PTPRD: variants seen among roughly 807,000 people sequenced by gnomAD.
PTPRD encodes protein tyrosine phosphatase receptor type D, also known as receptor-type tyrosine-protein phosphatase delta.
Under a neutral mutation model 214.5 loss-of-function variants are expected in PTPRD, and 34 were observed. The ratio of observed to expected loss-of-function variants is 0.16; its 90% CI spans 0.12 to 0.21. The LOEUF is 0.21. Among genes scored for constraint, PTPRD ranks in the 10% least tolerant of loss-of-function variants. The pLI is 1.00. For missense variants in PTPRD, 2,545 were observed against 2,398.7 expected (o/e 1.06, Z -1.27); for synonymous variants, 1,128 against 845.7 (o/e 1.33, Z -5.79).
chr9:10,250,777 TTAC>T (rs1317348916), intron 3 of PTPRD, among the ~76,000 whole-genome samples: 3 of 151,938 alleles, frequency 2.0e-5, no homozygotes, highest in African/African-American at 7.2e-5. Context: ...TTTATATGTT[TTAC>T]TATATATATA....
intron 6 of PTPRD, among the ~76,000 whole-genome samples, chr9:9,743,296 A>G (rs949284060): frequency 2.0e-5 from 3 of 152,190 alleles, no homozygotes; most frequent in African/African-American, 4.8e-5. Flanking sequence ...GGCTGGAACC[A>G]AAATGTCAAG....
chr9:10,443,102 A>G (rs1252068460), intron 2 of PTPRD, among the ~76,000 whole-genome samples: 2 of 151,238 alleles, frequency 1.3e-5, no homozygotes, highest in Non-Finnish European at 3.0e-5. Context: ...AAAAAAAAAA[A>G]AGGCCTGGAT....
At chr9:9,982,463 TGTG>T (rs1221703029) in intron 4 of PTPRD, among the ~76,000 whole-genome samples, 2 of 111,114 alleles carry the variant, frequency 1.8e-5, no homozygotes, top group Non-Finnish European at 3.8e-5. Context: ...ATATTGTTGT[TGTG>T]GTGGTGGTGG....
At chr9:8,870,306 A>T (rs1431921219) in intron 11 of PTPRD, among the ~76,000 whole-genome samples, 1 of 152,080 alleles carries the variant, frequency 6.6e-6, no homozygotes, top group Non-Finnish European at 1.5e-5. Flanking sequence ...AAAACTACAG[A>T]TTTTAAGGGA....
intron 14 of PTPRD, among the ~76,000 whole-genome samples, chr9:8,629,045 A>C (rs2096153953): frequency 6.6e-6 from 1 of 151,746 alleles, no homozygotes; most frequent in Admixed American, 6.6e-5. Flanking sequence ...TAATCTACTA[A>C]GATTTTTTAA....
intron 5 of PTPRD, among the ~76,000 whole-genome samples, chr9:9,835,757 A>G (rs770998181): frequency 3.9e-5 from 6 of 152,098 alleles, no homozygotes; most frequent in Non-Finnish European, 5.9e-5. Flanking sequence ...CTCCATCATA[A>G]CACAGGAGTG....
intron 14 of PTPRD, among the ~76,000 whole-genome samples, chr9:8,594,300 C>T (rs1447071128): frequency 6.6e-6 from 1 of 152,142 alleles, no homozygotes; most frequent in Non-Finnish European, 1.5e-5. Context: ...AATTATCTCA[C>T]TTTTCTATAA....
intron 6 of PTPRD, among the ~76,000 whole-genome samples, chr9:9,751,048 G>T (rs1480108819): frequency 1.3e-5 from 2 of 152,038 alleles, no homozygotes; most frequent in Non-Finnish European, 2.9e-5. Flanking sequence ...AATGTTCGTG[G>T]CCTCTCCTGC....
At chr9:9,429,480 G>A (rs950876118) in intron 8 of PTPRD, among the ~76,000 whole-genome samples, 1 of 152,146 alleles carries the variant, frequency 6.6e-6, no homozygotes, top group Non-Finnish European at 1.5e-5. Flanking sequence ...GTACAAAGAG[G>A]AGCTGGTACC....
At chr9:8,829,868 T>C (rs1161999870) in intron 11 of PTPRD, among the ~76,000 whole-genome samples, 1 of 152,080 alleles carries the variant, frequency 6.6e-6, no homozygotes, top group Non-Finnish European at 1.5e-5. Context: ...CAATAACATA[T>C]CAGAAAACTA....
At chr9:9,264,294 C>T (rs1306137576) in intron 9 of PTPRD, among the ~76,000 whole-genome samples, 1 of 151,458 alleles carries the variant, frequency 6.6e-6, no homozygotes, top group African/African-American at 2.4e-5. Flanking sequence ...CACAGATAAA[C>T]AACTCAACAA....
chr9:9,387,898 C>A (rs2140706372), intron 9 of PTPRD, among the ~76,000 whole-genome samples: 1 of 152,242 alleles, frequency 6.6e-6, no homozygotes, highest in Admixed American at 6.5e-5. Context: ...GCTGAAGCCC[C>A]AGTGGGCATG....
At chr9:8,966,973 A>G (rs2099199849) in intron 11 of PTPRD, among the ~76,000 whole-genome samples, 1 of 152,078 alleles carries the variant, frequency 6.6e-6, no homozygotes, top group South Asian at 2.1e-4. Flanking sequence ...AGCCCATGAA[A>G]AAATGGACCA....
intron 34 of PTPRD, among the ~76,000 whole-genome samples, chr9:8,444,559 G>A: frequency 6.6e-6 from 1 of 151,920 alleles, no homozygotes; most frequent in East Asian, 1.9e-4. Flanking sequence ...AAAAAGTGGT[G>A]GAATGAAGAG....
intron 44 of PTPRD, among the ~76,000 whole-genome samples, chr9:8,331,096 G>C (rs1840219115): frequency 7.4e-6 from 1 of 134,808 alleles, no homozygotes; most frequent in Non-Finnish European, 1.5e-5. Context: ...TTCTGATATA[G>C]CAACAATTTT....
chr9:9,913,174 T>A (rs1256225200), intron 5 of PTPRD, among the ~76,000 whole-genome samples: 1 of 152,166 alleles, frequency 6.6e-6, no homozygotes. Flanking sequence ...AATTCATTTT[T>A]ATGAAAAAAG....
chr9:10,044,881 G>T (rs552187684), intron 3 of PTPRD, among the ~76,000 whole-genome samples: 1 of 151,748 alleles, frequency 6.6e-6, no homozygotes, highest in Admixed American at 6.6e-5. Context: ...CTGACATTTT[G>T]GGACAATTCA....
rs116939697 is a variant in PTPRD, at chr9:9,970,609, C to G, written c.-471-31999G>C. 1.6e-3 allele frequency among the ~76,000 whole-genome samples: 238 copies of G among 152,112 alleles called. 3 individuals carry two copies. In the East Asian group the frequency reaches 0.032, roughly 20 times the overall value. Reference sequence around the variant, plus strand: ...AGGGCAGACAAGCTAAAAATCTTAGCAAAAGATTTGTATGGATCTGTCAAA... The same window carrying G: ...AGGGCAGACAAGCTAAAAATCTTAGGAAAAGATTTGTATGGATCTGTCAAA... On this transcript the variant is annotated intron_variant, in intron 4 of 45. Coordinates refer to ENST00000381196, the MANE Select transcript of PTPRD (RefSeq NM_002839.4).
chr9:10,011,597 T>C (rs1028019569), intron 4 of PTPRD, among the ~76,000 whole-genome samples: 15 of 151,906 alleles, frequency 9.9e-5, no homozygotes, highest in African/African-American at 2.2e-4. Flanking sequence ...CAGTGCAAGA[T>C]TGGCTTAGAT....
Sources: gnomAD v4.1 joint callset for allele counts (sites outside exome capture counted in the v4.1 genomes callset) on GRCh38, gnomAD v4.1.1 for gene constraint, MANE v1.5 for transcripts, NCBI Gene and HGNC (gene_info 2026-07-23, HGNC 2026-07-21) for gene names.